The following CUX1 variants were observed in gnomAD, a reference collection of about 807,000 sequenced individuals.
CUX1 encodes protein CASP.
In CUX1, 31 loss-of-function variants were observed where a neutral mutation model predicts 158.8. The observed-to-expected ratio is 0.20, with a 90% CI of 0.15 to 0.26. The LOEUF is 0.26. CUX1 is among the 10% of genes least tolerant of loss of function. CUX1 has a pLI of 1.00. For missense variants in CUX1, 1,589 were observed against 2,014.6 expected (o/e 0.79, Z 4.04); for synonymous variants, 879 against 862.1 (o/e 1.02, Z -0.34).
At chr7:101,914,526 C>T (rs1803947656) in intron 1 of CUX1, among the ~76,000 whole-genome samples, 1 of 150,398 alleles carries the variant, frequency 6.6e-6, no homozygotes, top group South Asian at 2.1e-4. Context: ...TCCCTTGGGA[C>T]ACCTCACTCA....
intron 3 of CUX1, among the ~76,000 whole-genome samples, chr7:102,058,352 C>T (rs1487666400): frequency 6.6e-6 from 1 of 152,208 alleles, no homozygotes; most frequent in African/African-American, 2.4e-5. Context: ...CGGCTCACTG[C>T]AACCTCCACC....
chr7:102,214,179 C>T (rs1563420270), intron 20 of CUX1, among the ~76,000 whole-genome samples: 1 of 152,018 alleles, frequency 6.6e-6, no homozygotes, highest in Non-Finnish European at 1.5e-5. Context: ...CCTTCTCTTA[C>T]GGATGGAGTA....
At chr7:101,856,962 GCCT>G (rs1796913873) in intron 1 of CUX1, among the ~76,000 whole-genome samples, 1 of 152,178 alleles carries the variant, frequency 6.6e-6, no homozygotes, top group Admixed American at 6.5e-5. Flanking sequence ...CTCAAGCTGT[GCCT>G]CCTCCTGGGC....
chr7:102,221,737 T>TA (rs60706791), intron 20 of CUX1, among the ~76,000 whole-genome samples: 3,119 of 133,956 alleles, frequency 0.023, 47 homozygotes, highest in African/African-American at 0.029. Context: ...CAGTGCCTTG[T>TA]AAAAAAAAAA....
At chr7:101,836,756 T>C (rs1794682008) in intron 1 of CUX1, among the ~76,000 whole-genome samples, 1 of 151,944 alleles carries the variant, frequency 6.6e-6, no homozygotes, top group African/African-American at 2.4e-5. Context: ...CACTTTGTTT[T>C]GGCTGGAGAA....
intron 3 of CUX1, among the ~76,000 whole-genome samples, chr7:102,048,476 T>C (rs992723510): frequency 2.0e-5 from 3 of 152,046 alleles, no homozygotes; most frequent in South Asian, 2.1e-4. Context: ...CTCGGTCTAA[T>C]ATTCATTCCA....
At chr7:102,226,447 T>C (rs1554528614) in intron 20 of CUX1, among the ~76,000 whole-genome samples, 1 of 152,072 alleles carries the variant, frequency 6.6e-6, no homozygotes, top group Non-Finnish European at 1.5e-5. Context: ...AAAAAACAGC[T>C]GGGCATGGTG....
At chr7:102,017,985 C>T (rs1182212340) in intron 2 of CUX1, among the ~76,000 whole-genome samples, 1 of 152,166 alleles carries the variant, frequency 6.6e-6, no homozygotes, top group East Asian at 1.9e-4. Flanking sequence ...GAGATGAAGT[C>T]TTGCTCTGTC....
intron 2 of CUX1, among the ~76,000 whole-genome samples, chr7:101,922,435 G>A (rs1044135952): frequency 1.3e-5 from 2 of 152,192 alleles, no homozygotes; most frequent in East Asian, 3.9e-4. Context: ...TTTGAGCCTT[G>A]GTTCTTAACC....
At chr7:102,169,745 G>T (rs577492923) in intron 9 of CUX1, among the ~76,000 whole-genome samples, 3 of 152,294 alleles carry the variant, frequency 2.0e-5, no homozygotes, top group South Asian at 2.1e-4. Flanking sequence ...TCTGGGGGTG[G>T]TTGTTTCCTT....
Position 102,249,353 on chromosome 7 carries a change from C to CGG in CUX1, c.*313_*314dup. 9.9e-7 allele frequency: 1 copy of CGG among 1,005,668 alleles called. No individual in the cohort carries two copies. The highest frequency in any genetic ancestry group is 1.2e-6 in the Non-Finnish European group (1 of 842,822). 62.3% of individuals were successfully genotyped at this position (1,005,668 alleles called of 1,614,324 possible). A position where few individuals can be genotyped will look rare whatever the true frequency, so the allele number is the denominator to read the frequency against. On this transcript the variant is annotated 3_prime_UTR_variant, in exon 24 of 24. Transcript: ENST00000292535. Reference sequence around the variant, plus strand: ...ACCGCTTTGCGCACTTACCGCCCTGCGGGCCACAGGGCAAAATCGCCATAG... The same window carrying CGG: ...ACCGCTTTGCGCACTTACCGCCCTGCGGGGGCCACAGGGCAAAATCGCCATAG...
intron 8 of CUX1, among the ~76,000 whole-genome samples, chr7:102,147,368 G>T (rs1487140278): frequency 6.6e-6 from 1 of 152,112 alleles, no homozygotes; most frequent in Admixed American, 6.6e-5. Context: ...TCCTGACCTG[G>T]TTCACAGATC....
chr7:102,004,683 C>T (rs1335114976), intron 2 of CUX1, among the ~76,000 whole-genome samples: 1 of 151,936 alleles, frequency 6.6e-6, no homozygotes. Context: ...GACTTGGGCT[C>T]TGGTGTCCTG....
intron 9 of CUX1, chr7:102,161,441 C>T (rs977659824): frequency 1.3e-5 from 2 of 152,116 alleles, no homozygotes; most frequent in Non-Finnish European, 2.9e-5. Flanking sequence ...GTCCTGCCTT[C>T]AGGAAAGGGT....
chr7:102,168,862 T>TG (rs1454787361), intron 9 of CUX1, among the ~76,000 whole-genome samples: 51 of 151,346 alleles, frequency 3.4e-4, no homozygotes, highest in African/African-American at 1.2e-3. Context: ...AAACACACGA[T>TG]GGAGACGCTG....
In CUX1 at chr7:102,111,744, G is replaced by C. The variant is rs782419510; in HGVS notation, c.577G>C (p.Ala193Pro). ...QMSTTSKLEE[A>P]EHKVQSLQTA... Reference sequence around the variant, plus strand: ...GTCCACCACCTCAAAGCTGGAGGAAGCTGAGCATAAGGTTCAGAGCCTACA... The same window carrying C: ...GTCCACCACCTCAAAGCTGGAGGAACCTGAGCATAAGGTTCAGAGCCTACA... The change falls in exon 7 of 24, where the codon GCT (alanine) becomes CCT (proline). Residue 193 changes from alanine to proline, a missense_variant. Coordinates refer to ENST00000292535, the MANE Select transcript of CUX1 (RefSeq NM_181552.4). The C allele has an allele frequency of 6.2e-7, 1 of 1,614,202 alleles. No individual in the cohort carries two copies. Among genetic ancestry groups the C allele is most frequent in the South Asian group, 1.1e-5 (1 of 91,092 alleles).
At chr7:102,181,057 T>C (rs1213021624) in intron 11 of CUX1, among the ~76,000 whole-genome samples, 2 of 151,890 alleles carry the variant, frequency 1.3e-5, no homozygotes, top group Non-Finnish European at 2.9e-5. Context: ...TTCTCCTGCC[T>C]CTGCCTCCTG....
Position 101,868,344 on chromosome 7 carries a change from C to T in CUX1, c.31-47771C>T, listed in dbSNP as rs564284505. On this transcript the variant is annotated intron_variant, in intron 1 of 23. Transcript: ENST00000292535. ...AGCTGGCTTTTGTCCTTTGCTGTCC[C>T]TGGCTGAGCCTTGGCCTCATCTTGG... Among the ~76,000 whole-genome samples, 10 of 152,312 alleles carry T rather than the reference C, an allele frequency of 6.6e-5. No individual in the cohort carries two copies. The South Asian group carries it at 1.4e-3, about 22-fold the overall frequency.
intron 19 of CUX1, chr7:102,280,688 G>C: frequency 9.8e-7 from 1 of 1,015,302 alleles, no homozygotes; most frequent in Non-Finnish European, 1.5e-6. Context: ...GCCCCCTGGG[G>C]GTCTGCAAGA....
Sources: allele counts gnomAD v4.1 joint callset (sites outside exome capture counted in the v4.1 genomes callset), GRCh38; gene constraint gnomAD v4.1.1; transcripts MANE v1.5; gene names NCBI Gene and HGNC (gene_info 2026-07-23, HGNC 2026-07-21).